The following OPALIN variants were observed in gnomAD, a reference collection of about 807,000 sequenced individuals.
The protein encoded by OPALIN is transmembrane protein 10.
OPALIN carries 15 observed loss-of-function variants against 17.8 expected under a neutral mutation model. The ratio of observed to expected loss-of-function variants is 0.84; its 90% confidence interval spans 0.56 to 1.29. The LOEUF (loss-of-function observed/expected upper bound fraction) is 1.29. Among genes scored for constraint, OPALIN ranks in the 50% most tolerant of loss-of-function variants. The pLI, the probability that OPALIN is intolerant of heterozygous loss-of-function variation, is 0.00. For missense variants in OPALIN, 170 were observed against 176.0 expected, an observed-to-expected ratio of 0.97 and a Z score of 0.19; for synonymous variants, 62 against 63.8, an observed-to-expected ratio of 0.97 and a Z score of 0.14.
At chr10:96,357,266 C>A in intron 1 of OPALIN, 1 of 517,992 alleles carries the variant, frequency 1.9e-6, no homozygotes, top group Non-Finnish European at 2.5e-6. Flanking sequence ...GGGGGTGCAG[C>A]AACAAGTGGG....
rs183621082 is a variant in OPALIN at position 96,344,708 on chromosome 10, T to C, written c.*1233A>G. ...TGGGCTTAAGGGCTCTTGTTTAATCTGAAGCCTTTAAAAAATAAAATAAAA... is the reference window on the plus strand; with the variant it reads ...TGGGCTTAAGGGCTCTTGTTTAATCCGAAGCCTTTAAAAAATAAAATAAAA... On this transcript the variant is annotated 3_prime_UTR_variant, in exon 6 of 6. Coordinates refer to ENST00000371172, the MANE Select transcript of OPALIN (RefSeq NM_033207.5). The C allele has an allele frequency of 3.4e-4, 52 of 152,268 alleles. No homozygotes were observed. The highest frequency in any genetic ancestry group is 6.8e-3 in the Middle Eastern group (2 of 294). 9.4% of individuals were successfully genotyped at this position (152,268 alleles called of 1,614,324 possible).
intron 1 of OPALIN, among the ~76,000 whole-genome samples, chr10:96,357,737 T>C (rs892255398): frequency 2.6e-5 from 4 of 152,206 alleles, no homozygotes; most frequent in Admixed American, 2.0e-4. Flanking sequence ...ATATTCTTTA[T>C]GGCCTGGCCA....
At chr10:96,349,203 T>C (rs1226735392) in intron 4 of OPALIN, among the ~76,000 whole-genome samples, 2 of 152,152 alleles carry the variant, frequency 1.3e-5, no homozygotes, top group Non-Finnish European at 2.9e-5. Flanking sequence ...TAGGTGGCTT[T>C]TGATTTCTAA....
At position 96,355,736 on chromosome 10, in the gene OPALIN, T is replaced by C. The variant is rs906980675; in HGVS notation, c.4-446A>G. Reference sequence around the variant, plus strand: ...AAGGTAAGACCCCCAAAGGGCATGGTCTAACAAGAACACCTGATCCTTACC... The same window carrying C: ...AAGGTAAGACCCCCAAAGGGCATGGCCTAACAAGAACACCTGATCCTTACC... On this transcript the variant is annotated intron_variant, in intron 1 of 5. Coordinates refer to ENST00000371172, the MANE Select transcript of OPALIN (RefSeq NM_033207.5). Among the ~76,000 whole-genome samples, 12 of 152,334 alleles carry C rather than the reference T, an allele frequency of 7.9e-5. No homozygotes were observed. In the South Asian group the frequency reaches 1.9e-3, roughly 24 times the overall value.
chr10:96,355,429 A>T, intron 1 of OPALIN, 139 bp from the exon 2 acceptor site: 1 of 659,066 alleles, frequency 1.5e-6, no homozygotes, highest in Non-Finnish European at 2.6e-6. Flanking sequence ...CGTCCTGCAC[A>T]GTCTTGGCCC....
chr10:96,348,272 T>C lies in OPALIN; in HGVS notation c.249+17A>G. On this transcript the variant is annotated intron_variant, in intron 5 of 5. Coordinates refer to ENST00000371172, the MANE Select transcript of OPALIN (RefSeq NM_033207.5). ...CTGTGTGAATGGTATATAGAGAGTATAACCAAGAGTTCTTACCTCAGATAT... is the reference window on the plus strand; with the variant it reads ...CTGTGTGAATGGTATATAGAGAGTACAACCAAGAGTTCTTACCTCAGATAT... 1 of 1,383,308 alleles carries C rather than the reference T, an allele frequency of 7.2e-7. No individual in the cohort carries two copies. The highest frequency in any genetic ancestry group is 1.0e-6 in the Non-Finnish European group (1 of 975,536). The allele number at this position is 1,383,308 out of a possible 1,614,324, so 85.7% of individuals were successfully genotyped here.
chr10:96,343,533 T>G lies in OPALIN; in HGVS notation c.*2408A>C, dbSNP rs1845181982. 1 of 152,200 alleles carries G rather than the reference T, an allele frequency of 6.6e-6. No homozygotes were observed. The highest frequency in any genetic ancestry group is 1.5e-5 in the Non-Finnish European group (1 of 68,042). 9.4% of individuals were successfully genotyped at this position (152,200 alleles called of 1,614,324 possible). A position where few individuals can be genotyped will look rare whatever the true frequency, so the allele number is the denominator to read the frequency against. On this transcript the variant is annotated 3_prime_UTR_variant, in exon 6 of 6. Transcript: ENST00000371172. Reference sequence around the variant, plus strand: ...ACAAGTACAGAACTGAGGCTCTGGATGATCAACAATCGGCCCAAGGGCTGA... The same window carrying G: ...ACAAGTACAGAACTGAGGCTCTGGAGGATCAACAATCGGCCCAAGGGCTGA...
At position 96,358,933 on chromosome 10, in the gene OPALIN, C is replaced by T. The variant is rs1162688555; in HGVS notation, c.-37G>A. The T allele has an allele frequency of 6.2e-7, 1 of 1,612,588 alleles. No individual in the cohort carries two copies. ...TCCCAGGAACCTTCTTCGTACACTG[C>T]CTTTGGTAAGCTCCTTTCTCACTGG... On this transcript the variant is annotated 5_prime_UTR_variant, in exon 1 of 6. Coordinates refer to ENST00000371172, the MANE Select transcript of OPALIN (RefSeq NM_033207.5).
At chr10:96,351,652 T>G (rs939018832) in intron 2 of OPALIN, among the ~76,000 whole-genome samples, 1 of 152,224 alleles carries the variant, frequency 6.6e-6, no homozygotes, top group African/African-American at 2.4e-5. Flanking sequence ...ATTCACCCTG[T>G]GGATGTACCG....
At chr10:96,349,292 G>C (rs1187693722) in intron 4 of OPALIN, among the ~76,000 whole-genome samples, 1 of 152,066 alleles carries the variant, frequency 6.6e-6, no homozygotes, top group Admixed American at 6.6e-5. Context: ...ATTCTATCAT[G>C]GTGTCTATCA....
intron 2 of OPALIN, among the ~76,000 whole-genome samples, chr10:96,352,390 G>T (rs377389410): frequency 3.3e-5 from 5 of 152,012 alleles, no homozygotes; most frequent in Admixed American, 2.6e-4. Context: ...CTTGTCCAAG[G>T]TTTCACAGAT....
At position 96,344,463 on chromosome 10, in the gene OPALIN, A is replaced by T. The variant is rs1589381329; in HGVS notation, c.*1478T>A. Reference sequence around the variant, plus strand: ...AAAAGAAGAGTACAGAAGAAAAAAAAAAAAGGCTGGGGATGGATTGGAAAA... The same window carrying T: ...AAAAGAAGAGTACAGAAGAAAAAAATAAAAGGCTGGGGATGGATTGGAAAA... On this transcript the variant is annotated 3_prime_UTR_variant, in exon 6 of 6. Transcript: ENST00000371172. 1.2e-5 allele frequency: 1 copy of T among 81,226 alleles called. No individual in the cohort carries two copies. The highest frequency in any genetic ancestry group is 2.5e-4 in the East Asian group (1 of 4,066). 5.0% of individuals were successfully genotyped at this position (81,226 alleles called of 1,614,324 possible).
At chr10:96,358,825 T>C in intron 1 of OPALIN, 69 bp downstream of exon 1, 2 of 1,503,878 alleles carry the variant, frequency 1.3e-6, no homozygotes, top group Non-Finnish European at 9.3e-7. Context: ...GTACATTTAA[T>C]TGAATTTGGA....
rs1210470043 is a variant in OPALIN, at chr10:96,355,235, A to T, written c.39+20T>A. On this transcript the variant is annotated intron_variant, in intron 2 of 5. Transcript: ENST00000371172. The stretch of plus-strand genomic sequence containing the variant: ...TGGTCTTCTCTGCGTTGCCTGGTGA[A>T]TGGGGGCTGCTGTACTTACTGTGTT... 6 of 1,603,686 alleles carry T rather than the reference A, an allele frequency of 3.7e-6. No individual in the cohort carries two copies. Among genetic ancestry groups the T allele is most frequent in the Non-Finnish European group, 5.1e-6 (6 of 1,173,922 alleles).
intron 2 of OPALIN, among the ~76,000 whole-genome samples, chr10:96,353,651 C>G (rs143483323): frequency 0.013 from 1,953 of 152,310 alleles, 29 homozygotes; most frequent in South Asian, 0.066. Context: ...CACCCCCACT[C>G]CCCAAGAAAT....
intron 4 of OPALIN, 140 bp from the exon 5 acceptor site, chr10:96,348,485 A>C: frequency 2.0e-6 from 1 of 508,538 alleles, no homozygotes. Flanking sequence ...GCACAGAGGC[A>C]TCTAATAACA....
chr10:96,350,426 G>A (rs1845531702), intron 3 of OPALIN, among the ~76,000 whole-genome samples: 1 of 152,204 alleles, frequency 6.6e-6, no homozygotes, highest in Non-Finnish European at 1.5e-5. Context: ...ATGTTGGCCA[G>A]GCTGGTCTCT....
At chr10:96,355,581 T>C (rs1845786809) in intron 1 of OPALIN, among the ~76,000 whole-genome samples, 1 of 152,170 alleles carries the variant, frequency 6.6e-6, no homozygotes, top group Non-Finnish European at 1.5e-5. Flanking sequence ...AGGGGTCCCA[T>C]TCACAAGGGC....
chr10:96,357,051 G>C, intron 1 of OPALIN: 2 of 985,500 alleles, frequency 2.0e-6, no homozygotes, highest in Middle Eastern at 5.2e-4. Flanking sequence ...ACACAGGGAC[G>C]TCTGGGCCTC....
Sources: gnomAD v4.1 joint callset for allele counts (sites outside exome capture counted in the v4.1 genomes callset) on GRCh38, gnomAD v4.1.1 for gene constraint, MANE v1.5 for transcripts, NCBI Gene and HGNC (gene_info 2026-07-23, HGNC 2026-07-21) for gene names.